Variants in MYO1E observed in about 807,000 individuals in gnomAD.
The protein encoded by MYO1E is unconventional myosin-Ie.
MYO1E carries 68 observed loss-of-function variants against 151.1 expected under a neutral mutation model. The ratio of observed to expected loss-of-function variants is 0.45; its 90% CI spans 0.37 to 0.55. The LOEUF is 0.55. MYO1E is among the 20% of genes least tolerant of loss of function. The pLI, the probability that MYO1E is intolerant of heterozygous loss-of-function variation, is 0.00. For synonymous variants in MYO1E, 601 were observed against 501.7 expected, an observed-to-expected ratio of 1.20 and a Z score of -2.64; for missense variants, 1,363 against 1,389.3, an observed-to-expected ratio of 0.98 and a Z score of 0.30.
intron 14 of MYO1E, chr15:59,206,662 T>A (rs1203018925): frequency 2.2e-6 from 1 of 456,006 alleles, no homozygotes; most frequent in African/African-American, 2.0e-5. Flanking sequence ...TCGGTTAGCC[T>A]CTTAAGCATG....
chr15:59,282,747 C>T (rs373537050), intron 1 of MYO1E, among the ~76,000 whole-genome samples: 18 of 149,390 alleles, frequency 1.2e-4, no homozygotes, highest in African/African-American at 2.5e-4. Context: ...TCTCGAGAGC[C>T]GGAGGCAGGA....
chr15:59,176,734 G>A (rs1443666775), intron 19 of MYO1E, among the ~76,000 whole-genome samples: 3 of 152,138 alleles, frequency 2.0e-5, no homozygotes, highest in South Asian at 4.1e-4. Context: ...TGAGATTAGA[G>A]GCATGAGCCA....
chr15:59,302,807 T>C (rs2080490928), intron 1 of MYO1E, among the ~76,000 whole-genome samples: 1 of 152,140 alleles, frequency 6.6e-6, no homozygotes, highest in Non-Finnish European at 1.5e-5. Flanking sequence ...ATGTTAAAAA[T>C]TATTGAAAGT....
At chr15:59,328,580 CCA>C (rs2080680437) in intron 1 of MYO1E, among the ~76,000 whole-genome samples, 1 of 152,044 alleles carries the variant, frequency 6.6e-6, no homozygotes, top group Non-Finnish European at 1.5e-5. Context: ...TTTATAATGA[CCA>C]GTTATAGAAA....
chr15:59,204,216 T>TA (rs1470335751), intron 15 of MYO1E, among the ~76,000 whole-genome samples: 1 of 151,922 alleles, frequency 6.6e-6, no homozygotes, highest in Non-Finnish European at 1.5e-5. Flanking sequence ...AAATGCAAAA[T>TA]CTCAGAAATG....
At chr15:59,334,477 TAAAA>T (rs11287543) in intron 1 of MYO1E, among the ~76,000 whole-genome samples, 1 of 145,846 alleles carries the variant, frequency 6.9e-6, no homozygotes, top group Non-Finnish European at 1.5e-5. Context: ...TTGTTTTTCT[TAAAA>T]AAAAAAAAAA....
At chr15:59,140,042 A>G (rs996306128) in intron 26 of MYO1E, among the ~76,000 whole-genome samples, 5 of 151,004 alleles carry the variant, frequency 3.3e-5, no homozygotes, top group Non-Finnish European at 2.9e-5. Flanking sequence ...TGCACTACTG[A>G]CATTTGCGGC....
At chr15:59,141,352 AGT>A (rs1277768290) in intron 26 of MYO1E, among the ~76,000 whole-genome samples, 3 of 152,236 alleles carry the variant, frequency 2.0e-5, no homozygotes, top group Non-Finnish European at 4.4e-5. Flanking sequence ...CTCATATGAA[AGT>A]GTAACAATTG....
At chr15:59,231,625 GT>G in intron 6 of MYO1E, 76 bp downstream of exon 6, 3 of 1,451,948 alleles carry the variant, frequency 2.1e-6, no homozygotes, top group Middle Eastern at 1.7e-4. Context: ...CCCATTTCCT[GT>G]GGGATACTAG....
chr15:59,214,171 C>A, intron 12 of MYO1E, 57 bp downstream of exon 12: 2 of 1,383,500 alleles, frequency 1.4e-6, no homozygotes, highest in Non-Finnish European at 2.0e-6. Context: ...AAATCTATAC[C>A]CTCTTAAACA....
chr15:59,267,586 G>T (rs546246859), intron 2 of MYO1E, among the ~76,000 whole-genome samples: 442 of 152,316 alleles, frequency 2.9e-3, no homozygotes, highest in African/African-American at 0.01. Flanking sequence ...GAAATCTAGT[G>T]GGTCTGGCAC....
chr15:59,177,296 T>C (rs1162859193), intron 19 of MYO1E, among the ~76,000 whole-genome samples: 1 of 147,978 alleles, frequency 6.8e-6, no homozygotes, highest in Non-Finnish European at 1.5e-5. Flanking sequence ...TTTAATAATC[T>C]TGATGTCTCA....
chr15:59,186,668 C>T (rs2079700265), intron 18 of MYO1E, among the ~76,000 whole-genome samples: 2 of 152,188 alleles, frequency 1.3e-5, no homozygotes, highest in African/African-American at 4.8e-5. Context: ...GAGAGAATGG[C>T]TTGAGCCCAG....
chr15:59,236,747 A>G (rs2080069202), intron 4 of MYO1E, 75 bp from the exon 5 acceptor site: 2 of 1,292,232 alleles, frequency 1.5e-6, no homozygotes, highest in East Asian at 4.6e-5. Flanking sequence ...CCCCCATCAC[A>G]CAAAACAAAC....
chr15:59,179,355 T>A (rs1471602839), intron 18 of MYO1E, among the ~76,000 whole-genome samples: 1 of 152,176 alleles, frequency 6.6e-6, no homozygotes, highest in Non-Finnish European at 1.5e-5. Flanking sequence ...ACGGTGGTGT[T>A]TATTTGGTTA....
At chr15:59,196,986 C>CTT (rs71977305) in intron 16 of MYO1E, among the ~76,000 whole-genome samples, 8,107 of 69,320 alleles carry the variant, frequency 0.12, 2,216 homozygotes, top group Middle Eastern at 0.16. Flanking sequence ...TTAATTACGA[C>CTT]TTTTTTTTTT....
At chr15:59,191,354 G>GAC (rs2079732426) in intron 17 of MYO1E, among the ~76,000 whole-genome samples, 1 of 150,874 alleles carries the variant, frequency 6.6e-6, no homozygotes, top group Non-Finnish European at 1.5e-5. Context: ...GAGAGAGAGA[G>GAC]AGAGAGAGAG....
chr15:59,177,803 T>C (rs1213396115), intron 19 of MYO1E, among the ~76,000 whole-genome samples: 6 of 152,212 alleles, frequency 3.9e-5, no homozygotes, highest in African/African-American at 1.2e-4. Context: ...AAGTACTGTG[T>C]TCTATAAACC....
At chr15:59,179,868 T>A (rs1393999044) in intron 18 of MYO1E, among the ~76,000 whole-genome samples, 2 of 152,150 alleles carry the variant, frequency 1.3e-5, no homozygotes, top group Non-Finnish European at 2.9e-5. Flanking sequence ...TCATCATGGG[T>A]ATGTGTGGGT....
Sources: gnomAD v4.1 joint callset for allele counts (sites outside exome capture counted in the v4.1 genomes callset) on GRCh38, gnomAD v4.1.1 for gene constraint, MANE v1.5 for transcripts, NCBI Gene and HGNC (gene_info 2026-07-23, HGNC 2026-07-21) for gene names.